The following RERE variants were observed in gnomAD, a reference collection of about 807,000 sequenced individuals.
The protein encoded by RERE is arginine-glutamic acid dipeptide repeats, also known as arginine-glutamic acid dipeptide repeats protein.
A neutral mutation model predicts 146.1 loss-of-function variants in RERE; 40 were observed. That is an observed-to-expected ratio of 0.27 (90% confidence interval 0.21 to 0.36). The LOEUF (loss-of-function observed/expected upper bound fraction) is 0.36, where lower values mean the gene tolerates loss of function less well. Among genes scored for constraint, RERE ranks in the 10% least tolerant of loss-of-function variants. The pLI, the probability that RERE is intolerant of heterozygous loss-of-function variation, is 1.00. For missense variants in RERE, 1,933 were observed against 2,138.7 expected (o/e 0.90, Z 1.90); for synonymous variants, 1,003 against 866.0 (o/e 1.16, Z -2.78).
intron 11 of RERE, among the ~76,000 whole-genome samples, chr1:8,436,726 T>C (rs1644174851): frequency 6.6e-6 from 1 of 152,352 alleles, no homozygotes; most frequent in Admixed American, 6.5e-5. Flanking sequence ...AATGTTTTAT[T>C]TAACTAAAAA....
intron 1 of RERE, among the ~76,000 whole-genome samples, chr1:8,719,562 C>A (rs1639823146): frequency 2.0e-5 from 3 of 152,084 alleles, no homozygotes; most frequent in Non-Finnish European, 4.4e-5. Context: ...ACAACATAAA[C>A]ATAGAGGAAC....
chr1:8,627,455 AGCTGG>A lies in RERE; in HGVS notation c.326-3080_326-3076del, dbSNP rs530930934. ...CAACTACACTAAAAATACAAAAATT[AGCTGG>A]GTGTGGTGGCACACACCTGTAATCC... On this transcript the variant is annotated intron_variant, in intron 2 of 22. Transcript: ENST00000400908. 3.3e-3 allele frequency among the ~76,000 whole-genome samples: 507 copies of A among 152,234 alleles called. 5 individuals are homozygous for A. The highest frequency in any genetic ancestry group is 0.012 in the African/African-American group (481 of 41,530).
At chr1:8,757,927 C>CACACAT (rs1242202630) in intron 1 of RERE, among the ~76,000 whole-genome samples, 5 of 151,808 alleles carry the variant, frequency 3.3e-5, no homozygotes, top group African/African-American at 1.2e-4. Context: ...CACACACACA[C>CACACAT]ACATATATAT....
At chr1:8,631,927 C>T (rs1647040841) in intron 2 of RERE, among the ~76,000 whole-genome samples, 1 of 152,190 alleles carries the variant, frequency 6.6e-6, no homozygotes, top group South Asian at 2.1e-4. Flanking sequence ...AACTTCCAGG[C>T]TTCACTCACT....
intron 1 of RERE, among the ~76,000 whole-genome samples, chr1:8,743,369 C>A (rs918881837): frequency 6.6e-6 from 1 of 151,958 alleles, no homozygotes; most frequent in Non-Finnish European, 1.5e-5. Context: ...ACCACTGCCT[C>A]CCAGGCTCAA....
intron 7 of RERE, among the ~76,000 whole-genome samples, chr1:8,519,384 G>T (rs1488526093): frequency 2.0e-5 from 3 of 152,096 alleles, no homozygotes; most frequent in African/African-American, 7.2e-5. Flanking sequence ...AGTGAGCTAT[G>T]ATCACACCAC....
chr1:8,782,031 T>C (rs1332563296), intron 1 of RERE, among the ~76,000 whole-genome samples: 1 of 152,088 alleles, frequency 6.6e-6, no homozygotes, highest in Non-Finnish European at 1.5e-5. Context: ...CCAAACCTAT[T>C]TCTCTATTCT....
intron 1 of RERE, among the ~76,000 whole-genome samples, chr1:8,790,757 T>C (rs1641351203): frequency 6.6e-6 from 1 of 152,230 alleles, no homozygotes; most frequent in Non-Finnish European, 1.5e-5. Flanking sequence ...ATAATTTTTT[T>C]GTATTTTTAG....
At chr1:8,437,892 C>T (rs1644192439) in intron 11 of RERE, among the ~76,000 whole-genome samples, 1 of 150,380 alleles carries the variant, frequency 6.6e-6, no homozygotes, top group African/African-American at 2.5e-5. Flanking sequence ...CAGTATGTCC[C>T]CCGAAATAGA....
intron 11 of RERE, chr1:8,465,583 G>A (rs934167806): frequency 4.9e-5 from 18 of 370,846 alleles, no homozygotes; most frequent in Non-Finnish European, 7.4e-5. Flanking sequence ...ATATGTCCAC[G>A]GGTTTTAACA....
chr1:8,661,532 G>A (rs769613951), intron 1 of RERE, among the ~76,000 whole-genome samples: 2 of 152,194 alleles, frequency 1.3e-5, no homozygotes, highest in East Asian at 1.9e-4. Flanking sequence ...AGTGGGGCAC[G>A]ATCACCCCGG....
At chr1:8,459,039 A>C (rs1011968931) in intron 11 of RERE, among the ~76,000 whole-genome samples, 15 of 152,246 alleles carry the variant, frequency 9.9e-5, no homozygotes, top group African/African-American at 3.6e-4. Flanking sequence ...TTTTCTGTGC[A>C]TATAATTGAT....
At chr1:8,708,951 C>T (rs1249627407) in intron 1 of RERE, among the ~76,000 whole-genome samples, 5 of 119,120 alleles carry the variant, frequency 4.2e-5, no homozygotes, top group South Asian at 2.9e-4. Flanking sequence ...CTCACTCTGT[C>T]GCCCAGGTTG....
chr1:8,576,758 A>G (rs531995940), intron 4 of RERE, among the ~76,000 whole-genome samples: 1 of 152,262 alleles, frequency 6.6e-6, no homozygotes, highest in Non-Finnish European at 1.5e-5. Context: ...GGTTGTCATT[A>G]TGTTTTACAG....
At chr1:8,750,369 T>G (rs372015108) in intron 1 of RERE, 1 of 645,194 alleles carries the variant, frequency 1.5e-6, no homozygotes. Flanking sequence ...ATTCAACATC[T>G]GTGAGTGTCA....
At chr1:8,491,445 C>CA (rs984547797) in intron 10 of RERE, among the ~76,000 whole-genome samples, 2 of 151,752 alleles carry the variant, frequency 1.3e-5, no homozygotes, top group Non-Finnish European at 2.9e-5. Context: ...AAAACAAAAA[C>CA]AAAAAACAAA....
intron 6 of RERE, among the ~76,000 whole-genome samples, chr1:8,553,860 T>C (rs557994756): frequency 1.3e-5 from 2 of 152,310 alleles, no homozygotes; most frequent in African/African-American, 4.8e-5. Flanking sequence ...TTATTTAGGA[T>C]AACTTGTTCT....
intron 4 of RERE, among the ~76,000 whole-genome samples, chr1:8,607,530 A>ATTTTTTTTTT (rs1646732347): frequency 1.0e-4 from 6 of 57,596 alleles, no homozygotes; most frequent in East Asian, 1.9e-3. Flanking sequence ...TTTTATATAT[A>ATTTTTTTTTT]TTTCTTTTTT....
chr1:8,569,178 G>T (rs1646187775), intron 4 of RERE, among the ~76,000 whole-genome samples: 1 of 150,244 alleles, frequency 6.7e-6, no homozygotes, highest in African/African-American at 2.5e-5. Flanking sequence ...GCTATTCGTA[G>T]AGAGTGTAAT....
Sources: allele counts gnomAD v4.1 joint callset (sites outside exome capture counted in the v4.1 genomes callset), GRCh38; gene constraint gnomAD v4.1.1; transcripts MANE v1.5; gene names NCBI Gene and HGNC (gene_info 2026-07-23, HGNC 2026-07-21).